Variants in UHRF2 observed in about 807,000 individuals in gnomAD.
UHRF2 encodes the protein ubiquitin like with PHD and ring finger domains 2.
In UHRF2, 23 loss-of-function variants were observed where a neutral mutation model predicts 96.8. The ratio of observed to expected loss-of-function variants is 0.24; its 90% CI spans 0.17 to 0.34. The LOEUF (loss-of-function observed/expected upper bound fraction) is 0.34. Ranked by LOEUF, UHRF2 falls within the 10% of genes least tolerant of loss-of-function variation. The pLI is 1.00. For synonymous variants in UHRF2, 385 were observed against 332.6 expected, an observed-to-expected ratio of 1.16 and a Z score of -1.72; for missense variants, 685 against 981.5, an observed-to-expected ratio of 0.70 and a Z score of 4.04.
chr9:6,498,322 A>G, intron 12 of UHRF2, 164 bp downstream of exon 12: 2 of 771,792 alleles, frequency 2.6e-6, no homozygotes, highest in Non-Finnish European at 1.9e-6. Context: ...GAGAAAAGGT[A>G]GTATCCTAGA....
At chr9:6,461,763 A>G (rs1031280064) in intron 4 of UHRF2, among the ~76,000 whole-genome samples, 28 of 152,188 alleles carry the variant, frequency 1.8e-4, no homozygotes, top group African/African-American at 6.3e-4. Flanking sequence ...TACACTTTGG[A>G]AAACATTATC....
chr9:6,504,137 T>A lies in UHRF2; in HGVS notation c.2164-456T>A, dbSNP rs372060778. On this transcript the variant is annotated intron_variant, in intron 14 of 15. Coordinates refer to ENST00000276893, the MANE Select transcript of UHRF2 (RefSeq NM_152896.3). ...GCCTTCTTGGTTCACTCCATTCTCC[T>A]GCCTCAGCCTCCCCAGCAGCTGGGA... 1.5e-4 allele frequency among the ~76,000 whole-genome samples: 22 copies of A among 150,152 alleles called. No individual in the cohort carries two copies. The South Asian group carries it at 4.3e-3, about 29-fold the overall frequency.
chr9:6,464,435 T>C (rs543297519), intron 4 of UHRF2, among the ~76,000 whole-genome samples: 68 of 152,204 alleles, frequency 4.5e-4, no homozygotes, highest in Admixed American at 1.1e-3. Flanking sequence ...TTTAATGCAG[T>C]TGAGGTTATC....
rs1021102348 is a variant in UHRF2 at position 6,482,179 on chromosome 9, G to C, written c.1392+80G>C. On this transcript the variant is annotated intron_variant, in intron 8 of 15. Coordinates refer to ENST00000276893, the MANE Select transcript of UHRF2 (RefSeq NM_152896.3). ...CAATGTTAATGTCTGTTGATTGTAA[G>C]TGAACCTAACACATGACATTCACTT... is the stretch of plus-strand genomic sequence containing the variant. 6.9e-6 allele frequency: 8 copies of C among 1,155,770 alleles called. No homozygotes were observed. In the African/African-American group the frequency reaches 1.2e-4, roughly 18 times the overall value. The allele number at this position is 1,155,770 out of a possible 1,614,324, so 71.6% of individuals were successfully genotyped here.
chr9:6,476,552 T>C (rs903767713), intron 5 of UHRF2, among the ~76,000 whole-genome samples: 3 of 152,162 alleles, frequency 2.0e-5, no homozygotes, highest in Admixed American at 1.3e-4. Flanking sequence ...GAGACAGGAT[T>C]AGATTCTAGG....
chr9:6,497,724 C>T (rs1825056446), intron 11 of UHRF2, among the ~76,000 whole-genome samples: 1 of 152,122 alleles, frequency 6.6e-6, no homozygotes, highest in East Asian at 1.9e-4. Context: ...AATAGATTTT[C>T]ATTCTTTGTT....
chr9:6,442,191 C>G (rs1225558252), intron 3 of UHRF2, among the ~76,000 whole-genome samples: 2 of 152,168 alleles, frequency 1.3e-5, no homozygotes, highest in Non-Finnish European at 1.5e-5. Context: ...TCTCAAACTC[C>G]TGACCTCAAG....
intron 1 of UHRF2, among the ~76,000 whole-genome samples, chr9:6,419,253 C>CT (rs1019691161): frequency 5.9e-5 from 9 of 152,184 alleles, no homozygotes; most frequent in Admixed American, 1.3e-4. Flanking sequence ...CTTTAAAAGA[C>CT]TGTTTCCAAA....
chr9:6,459,914 A>G (rs954366662), intron 3 of UHRF2, among the ~76,000 whole-genome samples: 3 of 152,222 alleles, frequency 2.0e-5, no homozygotes, highest in Admixed American at 6.5e-5. Context: ...TTGAGGCTAC[A>G]GTGAGCTATT....
At chr9:6,472,998 G>A (rs968841096) in intron 4 of UHRF2, among the ~76,000 whole-genome samples, 2 of 152,208 alleles carry the variant, frequency 1.3e-5, no homozygotes, top group Non-Finnish European at 2.9e-5. Context: ...TGTTTAAAAT[G>A]TATAGGGTAC....
At chr9:6,480,708 G>A (rs964062135) in intron 6 of UHRF2, among the ~76,000 whole-genome samples, 3 of 152,082 alleles carry the variant, frequency 2.0e-5, no homozygotes, top group African/African-American at 7.2e-5. Context: ...TTTTCTTTAG[G>A]ACAGTTTATT....
At chr9:6,488,118 C>T (rs1252146028) in intron 9 of UHRF2, among the ~76,000 whole-genome samples, 1 of 151,474 alleles carries the variant, frequency 6.6e-6, no homozygotes, top group Non-Finnish European at 1.5e-5. Context: ...TGGCATGTGC[C>T]TGTAGTCCCG....
intron 4 of UHRF2, among the ~76,000 whole-genome samples, chr9:6,472,292 T>C (rs1356586667): frequency 6.6e-6 from 1 of 152,234 alleles, no homozygotes; most frequent in Non-Finnish European, 1.5e-5. Context: ...TTAGGAAATT[T>C]ATCTTATGAA....
chr9:6,463,009 C>T (rs1272903176), intron 4 of UHRF2, among the ~76,000 whole-genome samples: 1 of 152,016 alleles, frequency 6.6e-6, no homozygotes, highest in African/African-American at 2.4e-5. Flanking sequence ...GGGCCAGGTG[C>T]CGTGGCTCAC....
chr9:6,463,741 G>T (rs1422573824), intron 4 of UHRF2, among the ~76,000 whole-genome samples: 1 of 152,002 alleles, frequency 6.6e-6, no homozygotes, highest in Non-Finnish European at 1.5e-5. Flanking sequence ...AAAGTGGTAG[G>T]ATTATAGGTA....
chr9:6,435,444 G>T (rs972094654), intron 3 of UHRF2, among the ~76,000 whole-genome samples: 21 of 152,136 alleles, frequency 1.4e-4, no homozygotes, highest in African/African-American at 4.6e-4. Context: ...TTTTTAAACA[G>T]CTTTTTATTG....
At position 6,420,892 on chromosome 9, in the gene UHRF2, A is replaced by G; in HGVS notation, c.154-20A>G. 1.3e-6 allele frequency: 2 copies of G among 1,579,854 alleles called. No individual in the cohort carries two copies. Among genetic ancestry groups the G allele is most frequent in the African/African-American group, 1.3e-5 (1 of 74,324 alleles). Reference sequence around the variant, plus strand: ...ATACATTTTAGAGAAGCATTTCACTATTCTTTCTTTATTTTCTAGTTGGAA... The same window carrying G: ...ATACATTTTAGAGAAGCATTTCACTGTTCTTTCTTTATTTTCTAGTTGGAA... On this transcript the variant is annotated intron_variant, in intron 1 of 15. Transcript: ENST00000276893.
At chr9:6,446,775 G>T (rs931810837) in intron 3 of UHRF2, among the ~76,000 whole-genome samples, 1 of 151,888 alleles carries the variant, frequency 6.6e-6, no homozygotes, top group African/African-American at 2.4e-5. Flanking sequence ...AACCCAAGAA[G>T]TGGGGATTAC....
At chr9:6,485,537 GC>G in intron 8 of UHRF2, among the ~76,000 whole-genome samples, 1 of 151,646 alleles carries the variant, frequency 6.6e-6, no homozygotes, top group Non-Finnish European at 1.5e-5. Context: ...TGTTTCAAAA[GC>G]CAAAACCTTT....
Sources: allele counts gnomAD v4.1 joint callset (sites outside exome capture counted in the v4.1 genomes callset), GRCh38; gene constraint gnomAD v4.1.1; transcripts MANE v1.5; gene names NCBI Gene and HGNC (gene_info 2026-07-23, HGNC 2026-07-21).